The following PTP4A1 variants were observed in gnomAD, a reference collection of about 807,000 sequenced individuals.
PTP4A1 encodes protein tyrosine phosphatase type IVA 1.
In PTP4A1, 9 loss-of-function variants were observed where a neutral mutation model predicts 20.5. That is an observed-to-expected ratio of 0.44 (90% CI 0.26 to 0.77). The LOEUF (loss-of-function observed/expected upper bound fraction) is 0.77, where lower values mean the gene tolerates loss of function less well. Ranked by LOEUF, PTP4A1 falls within the 30% of genes least tolerant of loss-of-function variation. The pLI is 0.19. For missense variants in PTP4A1, 137 were observed against 218.8 expected, an observed-to-expected ratio of 0.63 and a Z score of 2.36; for synonymous variants, 78 against 67.4, an observed-to-expected ratio of 1.16 and a Z score of -0.77.
At chr6:63,577,410 T>G (rs558892033) in intron 2 of PTP4A1, among the ~76,000 whole-genome samples, 1 of 152,352 alleles carries the variant, frequency 6.6e-6, no homozygotes, top group Admixed American at 6.5e-5. Flanking sequence ...ATGGTAGCTA[T>G]GTAGCCAAAA....
Position 63,578,411 on chromosome 6 carries a change from A to AT in PTP4A1, c.106-19dup. On this transcript the variant is annotated intron_variant, in intron 2 of 5. Transcript: ENST00000626021. ...TATAGTGATGTGGTTAAACATTAAG[A>AT]TTTTTTTAATGTACGTTTTATCCAG... 4 of 1,595,350 alleles carry AT rather than the reference A, an allele frequency of 2.5e-6. No homozygotes were observed. In the South Asian group the frequency reaches 4.5e-5, roughly 18 times the overall value.
chr6:63,560,047 G>A (rs1198273824), intron 3 of PTP4A1, among the ~76,000 whole-genome samples: 4 of 152,186 alleles, frequency 2.6e-5, no homozygotes, highest in Non-Finnish European at 5.9e-5. Context: ...CCACGGTAAT[G>A]CATTTCATAA....
chr6:63,572,400 C>T (rs1016824504), upstream of PTP4A1: 15 of 342,680 alleles, frequency 4.4e-5, no homozygotes, highest in Admixed American at 4.8e-5. Flanking sequence ...GCTCCTGGCC[C>T]GCGGTTCCAG....
chr6:63,556,126 C>G (rs1160363446), intron 3 of PTP4A1, among the ~76,000 whole-genome samples: 3 of 152,098 alleles, frequency 2.0e-5, no homozygotes, highest in South Asian at 4.1e-4. Flanking sequence ...ATCTAATCAC[C>G]CTAATACAAG....
At chr6:63,551,630 G>A (rs1776446551) in intron 3 of PTP4A1, among the ~76,000 whole-genome samples, 1 of 151,994 alleles carries the variant, frequency 6.6e-6, no homozygotes, top group Non-Finnish European at 1.5e-5. Context: ...TTGGTGTGCT[G>A]CACCCATTAA....
chr6:63,526,476 C>T (rs142298722), intron 1 of PTP4A1, among the ~76,000 whole-genome samples: 103 of 151,474 alleles, frequency 6.8e-4, no homozygotes, highest in African/African-American at 2.4e-3. Flanking sequence ...AGGAAGACCA[C>T]GTATGATAAA....
chr6:63,550,711 ACCT>A (rs1353858095), intron 3 of PTP4A1, among the ~76,000 whole-genome samples: 1 of 149,548 alleles, frequency 6.7e-6, no homozygotes, highest in Non-Finnish European at 1.5e-5. Flanking sequence ...TGCAGGCTTC[ACCT>A]CCTGGGTTCA....
intron 2 of PTP4A1, among the ~76,000 whole-genome samples, chr6:63,540,922 G>C (rs1461219653): frequency 6.6e-6 from 1 of 151,304 alleles, no homozygotes; most frequent in Non-Finnish European, 1.5e-5. Context: ...AGAATCACTA[G>C]AACCCCGGGG....
chr6:63,530,071 G>A (rs1232379484), intron 2 of PTP4A1, among the ~76,000 whole-genome samples: 1 of 151,992 alleles, frequency 6.6e-6, no homozygotes, highest in Non-Finnish European at 1.5e-5. Context: ...ATAGGGCAAG[G>A]ATAATAACAG....
At chr6:63,519,450 G>A (rs1774845502), upstream of PTP4A1, among the ~76,000 whole-genome samples, 1 of 152,146 alleles carries the variant, frequency 6.6e-6, no homozygotes, top group African/African-American at 2.4e-5. Flanking sequence ...TTCAGGTAAG[G>A]GATGTGAAAC....
chr6:63,582,220 G>C lies in PTP4A1; in HGVS notation c.*2046G>C, dbSNP rs1354018932. ...TTTTTTTTAAAGGAAATGCAGCCTA[G>C]TCTTGAGAACATAATTTTATATAAT... On this transcript the variant is annotated 3_prime_UTR_variant, in exon 6 of 6. Coordinates refer to ENST00000626021, the MANE Select transcript of PTP4A1 (RefSeq NM_003463.5). 1 of 150,244 alleles carries C rather than the reference G, an allele frequency of 6.7e-6. No homozygotes were observed. The highest frequency in any genetic ancestry group is 2.0e-4 in the East Asian group (1 of 4,956). The allele number at this position is 150,244 out of a possible 1,614,324, so 9.3% of individuals were successfully genotyped here. A position where few individuals can be genotyped will look rare whatever the true frequency, so the allele number is the denominator to read the frequency against.
At chr6:63,553,458 G>A (rs1776536638) in intron 3 of PTP4A1, among the ~76,000 whole-genome samples, 1 of 152,146 alleles carries the variant, frequency 6.6e-6, no homozygotes, top group African/African-American at 2.4e-5. Context: ...CAGTTACATG[G>A]GTGGCCTAAA....
chr6:63,560,642 G>A (rs1207626970), intron 3 of PTP4A1, among the ~76,000 whole-genome samples: 2 of 152,038 alleles, frequency 1.3e-5, no homozygotes, highest in Non-Finnish European at 2.9e-5. Context: ...GACCTCAGGT[G>A]ATCTGCCCAC....
chr6:63,544,536 A>C (rs1459087656), intron 2 of PTP4A1, among the ~76,000 whole-genome samples: 4 of 152,166 alleles, frequency 2.6e-5, no homozygotes, highest in Non-Finnish European at 4.4e-5. Flanking sequence ...TAGTTGTCGA[A>C]GTAACATCCT....
intron 2 of PTP4A1, among the ~76,000 whole-genome samples, chr6:63,532,324 C>A (rs190039721): frequency 1.3e-5 from 2 of 152,060 alleles, no homozygotes; most frequent in East Asian, 3.9e-4. Context: ...GTTTTTTGAT[C>A]TTTTCCTATA....
At position 63,572,596 on chromosome 6, in the gene PTP4A1, A is replaced by G. The variant is rs868699109; in HGVS notation, c.-569A>G. 2 of 417,092 alleles carry G rather than the reference A, an allele frequency of 4.8e-6. No homozygotes were observed. The highest frequency in any genetic ancestry group is 4.4e-5 in the Admixed American group (1 of 22,768). 25.8% of individuals were successfully genotyped at this position (417,092 alleles called of 1,614,324 possible). A position where few individuals can be genotyped will look rare whatever the true frequency, so the allele number is the denominator to read the frequency against. On this transcript the variant is annotated 5_prime_UTR_variant, in exon 1 of 6. Transcript: ENST00000626021. ...CCCCGCCGCCGCCTGCATCGCCGCCACCGCCGCTCCGCCACGACCACCGCC... is the reference window on the plus strand; with the variant it reads ...CCCCGCCGCCGCCTGCATCGCCGCCGCCGCCGCTCCGCCACGACCACCGCC...
chr6:63,580,940 A>AG lies in PTP4A1; in HGVS notation c.*771dup, dbSNP rs1334521407. On this transcript the variant is annotated 3_prime_UTR_variant, in exon 6 of 6. Transcript: ENST00000626021. ...AGGGAGGGCCTGAGAAAAGAATGGG[A>AG]GGGGGCTATTAATTATTTTTAGCAA... The AG allele has an allele frequency of 6.6e-6, 1 of 152,482 alleles. No homozygotes were observed. Among genetic ancestry groups the AG allele is most frequent in the East Asian group, 1.9e-4 (1 of 5,196 alleles). The allele number at this position is 152,482 out of a possible 1,614,324, so 9.4% of individuals were successfully genotyped here.
upstream of PTP4A1, among the ~76,000 whole-genome samples, chr6:63,567,571 T>C (rs544303992): frequency 1.1e-4 from 16 of 152,336 alleles, no homozygotes; most frequent in African/African-American, 7.2e-5. Context: ...CTTCCACTTA[T>C]AGAGCACAGC....
intron 2 of PTP4A1, among the ~76,000 whole-genome samples, chr6:63,540,895 C>T (rs1248681511): frequency 1.3e-5 from 2 of 151,004 alleles, no homozygotes; most frequent in Non-Finnish European, 3.0e-5. Flanking sequence ...CCCAACTACT[C>T]GGGAGGCTGA....
Sources: gnomAD v4.1 joint callset for allele counts (sites outside exome capture counted in the v4.1 genomes callset) on GRCh38, gnomAD v4.1.1 for gene constraint, MANE v1.5 for transcripts, NCBI Gene and HGNC (gene_info 2026-07-23, HGNC 2026-07-21) for gene names.